Variants in ADARB2 observed in about 807,000 individuals in gnomAD.
The protein encoded by ADARB2 is adenosine deaminase RNA specific B2 (inactive).
ADARB2 carries 25 observed loss-of-function variants against 62.2 expected under a neutral mutation model. The observed-to-expected ratio is 0.40, with a 90% CI of 0.29 to 0.56. ADARB2 has a LOEUF of 0.56. ADARB2 is among the 20% of genes least tolerant of loss of function. ADARB2 has a pLI of 0.43. For synonymous variants in ADARB2, 572 were observed against 500.8 expected (o/e 1.14, Z -1.90); for missense variants, 1,071 against 1,077.4 (o/e 0.99, Z 0.08).
At chr10:1,279,585 G>A (rs912030370) in intron 3 of ADARB2, among the ~76,000 whole-genome samples, 3 of 152,202 alleles carry the variant, frequency 2.0e-5, no homozygotes, top group Non-Finnish European at 4.4e-5. Context: ...CAAAGTGCTG[G>A]GATTACAGGT....
intron 2 of ADARB2, among the ~76,000 whole-genome samples, chr10:1,365,944 T>C (rs1024305511): frequency 6.6e-6 from 1 of 152,254 alleles, no homozygotes; most frequent in Non-Finnish European, 1.5e-5. Context: ...TAATGGACTA[T>C]GTCTGTATGC....
intron 1 of ADARB2, among the ~76,000 whole-genome samples, chr10:1,681,153 C>T (rs76040958): frequency 0.028 from 4,281 of 152,304 alleles, 199 homozygotes; most frequent in African/African-American, 0.092. Context: ...CTTCTCGTTA[C>T]AGAAGCTACC....
chr10:1,357,219 A>G (rs1008758771), intron 3 of ADARB2, among the ~76,000 whole-genome samples: 1 of 152,212 alleles, frequency 6.6e-6, no homozygotes, highest in Admixed American at 6.5e-5. Context: ...AGTGAGACTG[A>G]ATGGCTGGTT....
At chr10:1,245,553 C>G (rs560046548) in intron 4 of ADARB2, among the ~76,000 whole-genome samples, 22 of 144,660 alleles carry the variant, frequency 1.5e-4, no homozygotes, top group African/African-American at 4.8e-4. Flanking sequence ...TGTTCTCATT[C>G]TTCAATTCCC....
At chr10:1,664,508 A>T (rs1291212833) in intron 1 of ADARB2, among the ~76,000 whole-genome samples, 1 of 152,176 alleles carries the variant, frequency 6.6e-6, no homozygotes, top group East Asian at 1.9e-4. Flanking sequence ...GCTTCTTTCT[A>T]AGAGGCTTCA....
chr10:1,674,237 C>A (rs1834432048), intron 1 of ADARB2, among the ~76,000 whole-genome samples: 1 of 152,176 alleles, frequency 6.6e-6, no homozygotes, highest in Admixed American at 6.5e-5. Flanking sequence ...AGCCTCCAAC[C>A]CCCTTGTGAG....
intron 1 of ADARB2, among the ~76,000 whole-genome samples, chr10:1,581,826 ATGTGTGTGTGTGTGTGTGTGTGTGTGTG>A (rs56180704): frequency 4.0e-5 from 6 of 148,392 alleles, no homozygotes; most frequent in Non-Finnish European, 7.4e-5. Flanking sequence ...TTAGAAATAG[ATGTGTGTGTGTGTGTGTGTGTGTGTGTG>A]TGTGTGTGTG....
chr10:1,691,531 A>T (rs1215667482), intron 1 of ADARB2, among the ~76,000 whole-genome samples: 8 of 152,248 alleles, frequency 5.3e-5, no homozygotes, highest in African/African-American at 1.9e-4. Flanking sequence ...TGACATGCAC[A>T]GCACATCTCA....
At chr10:1,276,463 G>A (rs371717302) in intron 3 of ADARB2, among the ~76,000 whole-genome samples, 38,785 of 151,862 alleles carry the variant, frequency 0.26, 5,980 homozygotes, top group South Asian at 0.5. Context: ...TAGTTTGCCT[G>A]TTCACTCTGA....
chr10:1,456,704 C>T (rs1831100480), intron 1 of ADARB2, among the ~76,000 whole-genome samples: 1 of 152,126 alleles, frequency 6.6e-6, no homozygotes. Flanking sequence ...TTGCCCTTTC[C>T]CCTTAAACAT....
intron 8 of ADARB2, chr10:1,187,967 C>T (rs917399585): frequency 1.7e-5 from 4 of 233,560 alleles, no homozygotes; most frequent in African/African-American, 6.7e-5. Context: ...CTAACTACAA[C>T]AGCCCCGCAG....
At chr10:1,469,989 G>A (rs552566031) in intron 1 of ADARB2, among the ~76,000 whole-genome samples, 4 of 152,298 alleles carry the variant, frequency 2.6e-5, no homozygotes, top group South Asian at 2.1e-4. Context: ...GCATGAGGCC[G>A]GCGTGCCTGG....
chr10:1,570,028 G>T (rs1397233972), intron 1 of ADARB2, among the ~76,000 whole-genome samples: 1 of 152,028 alleles, frequency 6.6e-6, no homozygotes, highest in Non-Finnish European at 1.5e-5. Context: ...AGTTTCTCCT[G>T]ACATGAAAAC....
At chr10:1,273,868 G>A (rs1831288230) in intron 3 of ADARB2, among the ~76,000 whole-genome samples, 1 of 152,196 alleles carries the variant, frequency 6.6e-6, no homozygotes, top group Non-Finnish European at 1.5e-5. Context: ...GGTTGATGGG[G>A]CAGCCCTGGC....
chr10:1,266,005 A>G lies in ADARB2; in HGVS notation c.1192+4950T>C, dbSNP rs1221290292. Among the ~76,000 whole-genome samples, 16 of 129,078 alleles carry G rather than the reference A, an allele frequency of 1.2e-4. 1 individual carries two copies. The highest frequency in any genetic ancestry group is 4.9e-4 in the African/African-American group (16 of 32,512). 84.7% of individuals were successfully genotyped at this position (129,078 alleles called of 152,430 possible). On this transcript the variant is annotated intron_variant, in intron 4 of 9. Transcript: ENST00000381312. ...CTGAGTCAGGTCCACGCTCCCCCGGAAGACGGCCTGAGAGGGGGGCCCAGG... is the reference window on the plus strand; with the variant it reads ...CTGAGTCAGGTCCACGCTCCCCCGGGAGACGGCCTGAGAGGGGGGCCCAGG...
chr10:1,395,064 G>T, intron 1 of ADARB2: 1 of 440,774 alleles, frequency 2.3e-6, no homozygotes, highest in Middle Eastern at 7.4e-4. Flanking sequence ...CTACAGATGC[G>T]TGCCACCATA....
At chr10:1,428,127 C>T (rs559237765) in intron 1 of ADARB2, among the ~76,000 whole-genome samples, 87 of 151,944 alleles carry the variant, frequency 5.7e-4, no homozygotes, top group African/African-American at 2.0e-3. Flanking sequence ...TGCACCACCA[C>T]ACCCGACTAA....
intron 9 of ADARB2, 81 bp downstream of exon 9, chr10:1,184,780 G>T: frequency 8.8e-6 from 13 of 1,473,438 alleles, no homozygotes; most frequent in Non-Finnish European, 1.2e-5. Context: ...ACCAAGTGTT[G>T]GCCTCTCCCA....
chr10:1,185,032 A>C lies in ADARB2; in HGVS notation c.1872T>G (p.Ser624Arg), dbSNP rs1341967204. 1.9e-6 allele frequency: 3 copies of C among 1,611,192 alleles called. No individual in the cohort carries two copies. Among genetic ancestry groups the C allele is most frequent in the Non-Finnish European group, 2.5e-6 (3 of 1,178,864 alleles). The change falls in exon 9 of 10, where the codon AGT becomes AGG. Residue 624 changes from serine (S) to arginine (R), a missense_variant. Coordinates refer to ENST00000381312, the MANE Select transcript of ADARB2 (RefSeq NM_018702.4). ...TCCCCGGCTGGCGCGCCTCGGCGTC[A>C]CTCACGCCTGTCGGGGAGATGGGGA... is the stretch of plus-strand genomic sequence containing the variant. ...RHNRPLLSGV[S>R]DAEARQPGKS...
Sources: gnomAD v4.1 joint callset for allele counts (sites outside exome capture counted in the v4.1 genomes callset) on GRCh38, gnomAD v4.1.1 for gene constraint, MANE v1.5 for transcripts, NCBI Gene and HGNC (gene_info 2026-07-23, HGNC 2026-07-21) for gene names.